AKAP14: variants seen among roughly 807,000 people sequenced by gnomAD.
AKAP14 encodes the protein A-kinase anchor protein 14.
A neutral mutation model predicts 17.0 loss-of-function variants in AKAP14; 4 were observed. The ratio of observed to expected loss-of-function variants is 0.23; its 90% confidence interval spans 0.12 to 0.54. The LOEUF (loss-of-function observed/expected upper bound fraction) is 0.54. Ranked by LOEUF, AKAP14 falls within the 20% of genes least tolerant of loss-of-function variation. The pLI is 0.95. For missense variants in AKAP14, 129 were observed against 150.9 expected, an observed-to-expected ratio of 0.85 and a Z score of 0.76; for synonymous variants, 42 against 51.3, an observed-to-expected ratio of 0.82 and a Z score of 0.77.
At chrX:119,919,672 T>TC (rs2056677757) in intron 5 of AKAP14, 1 of 300,715 alleles carries the variant, frequency 3.3e-6, no homozygotes, top group Non-Finnish European at 5.8e-6. Context: ...AAGGTAAAAC[T>TC]CCGTCTCTAC....
At chrX:119,904,863 C>T (rs745646885) in intron 4 of AKAP14, among the ~76,000 whole-genome samples, 2 of 107,324 alleles carry the variant, frequency 1.9e-5, no homozygotes, top group Non-Finnish European at 3.8e-5. Flanking sequence ...CAATCCTGGG[C>T]GACAGAGCAA....
intron 2 of AKAP14, among the ~76,000 whole-genome samples, chrX:119,897,860 C>T (rs1287074667): frequency 2.7e-5 from 3 of 111,745 alleles, no homozygotes; most frequent in Non-Finnish European, 5.6e-5. Context: ...AGGCAGGACA[C>T]GGTGGCTCAT....
In AKAP14 at chrX:119,901,402, C is replaced by A. The variant is rs12013830; in HGVS notation, c.-10-1812C>A. Among the ~76,000 whole-genome samples, 684 of 111,734 alleles carry A rather than the reference C, an allele frequency of 6.1e-3. 9 individuals carry two copies. The highest frequency in any genetic ancestry group is 0.021 in the African/African-American group (635 of 30,852). Reference sequence around the variant, plus strand: ...ATTCCTCTGCTGTAATGCCTCTACTCATTTTAACACTATCTTTATAGGCCA... The same window carrying A: ...ATTCCTCTGCTGTAATGCCTCTACTAATTTTAACACTATCTTTATAGGCCA... On this transcript the variant is annotated intron_variant, in intron 2 of 6. Transcript: ENST00000371431.
At chrX:119,902,838 C>G in intron 2 of AKAP14, among the ~76,000 whole-genome samples, 1 of 111,244 alleles carries the variant, frequency 9.0e-6, no homozygotes, top group Non-Finnish European at 1.9e-5. Context: ...ATTACAGGCG[C>G]CCGCCACCAC....
chrX:119,905,966 T>C (rs1379491748), intron 4 of AKAP14, among the ~76,000 whole-genome samples: 2 of 111,639 alleles, frequency 1.8e-5, no homozygotes, highest in East Asian at 5.6e-4. Context: ...ACTGCTCTCT[T>C]CCCAGCCCCT....
At chrX:119,896,974 T>A (rs1418686539) in intron 2 of AKAP14, among the ~76,000 whole-genome samples, 1 of 108,868 alleles carries the variant, frequency 9.2e-6, no homozygotes, top group African/African-American at 3.3e-5. Flanking sequence ...CATGCCTGGC[T>A]AATTTTTGTA....
chrX:119,914,654 A>G, intron 4 of AKAP14, 45 bp from the exon 5 acceptor site: 2 of 1,153,212 alleles, frequency 1.7e-6, no homozygotes, highest in East Asian at 6.0e-5. Flanking sequence ...CTTGAACAGA[A>G]GGCTTTTCTT....
intron 4 of AKAP14, among the ~76,000 whole-genome samples, chrX:119,914,368 T>A (rs1404670771): frequency 1.8e-5 from 2 of 111,447 alleles, no homozygotes; most frequent in African/African-American, 6.5e-5. Context: ...TCACCCAGGC[T>A]GGAGTGTAGT....
chrX:119,900,109 T>C (rs1453765984), intron 2 of AKAP14, among the ~76,000 whole-genome samples: 1 of 108,055 alleles, frequency 9.3e-6, no homozygotes, highest in Admixed American at 9.9e-5. Flanking sequence ...TTTTTTTTTT[T>C]GAGATGGAGT....
chrX:119,904,584 C>T (rs1026126627), intron 4 of AKAP14, among the ~76,000 whole-genome samples: 2 of 111,524 alleles, frequency 1.8e-5, no homozygotes, highest in African/African-American at 3.2e-5. Context: ...GACCCCATCT[C>T]TATAAAACTA....
At position 119,903,162 on chromosome X, in the gene AKAP14, G is replaced by A. The variant is rs993164665; in HGVS notation, c.-10-52G>A. On this transcript the variant is annotated intron_variant, in intron 2 of 6. Coordinates refer to ENST00000371431, the MANE Select transcript of AKAP14 (RefSeq NM_178813.6). ...AGATGATCTGTACTTATATGAGTGC[G>A]TTCACATGTGTGTACACACACAGGC... 20 of 1,102,332 alleles carry A rather than the reference G, an allele frequency of 1.8e-5. No homozygotes were observed. In the Admixed American group the frequency reaches 4.7e-4, roughly 26 times the overall value. The allele number at this position is 1,102,332 out of a possible 1,213,427, so 90.8% of individuals were successfully genotyped here. A position where few individuals can be genotyped will look rare whatever the true frequency, so the allele number is the denominator to read the frequency against.
chrX:119,915,620 C>G (rs1190637970), intron 5 of AKAP14, among the ~76,000 whole-genome samples: 2 of 111,953 alleles, frequency 1.8e-5, no homozygotes, highest in African/African-American at 6.5e-5. Flanking sequence ...ATTCTCCTGT[C>G]TCAACCTCCC....
chrX:119,907,588 G>C (rs146184423), intron 4 of AKAP14, among the ~76,000 whole-genome samples: 2,968 of 110,739 alleles, frequency 0.027, 85 homozygotes, highest in African/African-American at 0.09. Flanking sequence ...CTCCTGAGTA[G>C]CTAGGACTAT....
intron 4 of AKAP14, among the ~76,000 whole-genome samples, chrX:119,905,099 G>T (rs1474021058): frequency 9.1e-6 from 1 of 110,385 alleles, no homozygotes. Flanking sequence ...CTGTGGAACA[G>T]AGACCAGTTG....
chrX:119,912,077 C>T (rs1333488675), intron 4 of AKAP14, among the ~76,000 whole-genome samples: 2 of 109,439 alleles, frequency 1.8e-5, no homozygotes, highest in African/African-American at 6.6e-5. Context: ...ATTACAGGCG[C>T]CCACCACCAC....
chrX:119,899,387 G>A (rs2056551665), intron 2 of AKAP14, among the ~76,000 whole-genome samples: 1 of 110,917 alleles, frequency 9.0e-6, no homozygotes, highest in Non-Finnish European at 1.9e-5. Flanking sequence ...TTAAAATGAG[G>A]ATAGCTGTAG....
At chrX:119,896,829 G>GAGAC (rs2056530687) in intron 2 of AKAP14, among the ~76,000 whole-genome samples, 1 of 23,939 alleles carries the variant, frequency 4.2e-5, no homozygotes, top group Non-Finnish European at 7.4e-5. Flanking sequence ...TTTTTTTTTT[G>GAGAC]AGACAGAGTC....
chrX:119,902,682 GT>G lies in AKAP14; in HGVS notation c.-10-524del, dbSNP rs993720517. 5.4e-5 allele frequency among the ~76,000 whole-genome samples: 6 copies of G among 110,744 alleles called. No homozygotes were observed. The South Asian group carries it at 2.3e-3, about 42-fold the overall frequency. ...ACATTTTGATTTAAGTCATTATGGT[GT>G]TTTTTTTGTTTTTTGTTTTGTTTTT... On this transcript the variant is annotated intron_variant, in intron 2 of 6. Transcript: ENST00000371431.
At chrX:119,907,256 G>A (rs943472827) in intron 4 of AKAP14, among the ~76,000 whole-genome samples, 10 of 106,886 alleles carry the variant, frequency 9.4e-5, no homozygotes, top group Non-Finnish European at 1.7e-4. Context: ...TCAGGCTCCC[G>A]AGTAGATGGG....
Sources: allele counts gnomAD v4.1 joint callset (sites outside exome capture counted in the v4.1 genomes callset), GRCh38; gene constraint gnomAD v4.1.1; transcripts MANE v1.5; gene names NCBI Gene and HGNC (gene_info 2026-07-23, HGNC 2026-07-21).